Variants in PARD3B observed in about 807,000 individuals in gnomAD.
PARD3B encodes the protein par-3 family cell polarity regulator beta.
In PARD3B, 103 loss-of-function variants were observed where a neutral mutation model predicts 130.2. The ratio of observed to expected loss-of-function variants is 0.79; its 90% CI spans 0.67 to 0.93. PARD3B has a LOEUF of 0.93. PARD3B is among the 40% of genes least tolerant of loss of function. The pLI, the probability that PARD3B is intolerant of heterozygous loss-of-function variation, is 0.00. For synonymous variants in PARD3B, 583 were observed against 553.2 expected (o/e 1.05, Z -0.76); for missense variants, 1,609 against 1,499.2 (o/e 1.07, Z -1.21).
Position 205,176,336 on chromosome 2 carries a change from T to C in PARD3B, c.1792-109T>C. 8.9e-7 allele frequency: 1 copy of C among 1,120,316 alleles called. No individual in the cohort carries two copies. The highest frequency in any genetic ancestry group is 1.7e-5 in the South Asian group (1 of 57,392). The allele number at this position is 1,120,316 out of a possible 1,614,324, so 69.4% of individuals were successfully genotyped here. On this transcript the variant is annotated intron_variant, in intron 12 of 22. Transcript: ENST00000406610. The surrounding 1 kb of genome is among the most constrained non-coding windows in gnomAD (Gnocchi z 5.3). Reference sequence around the variant, plus strand: ...TCCACAGTTGAGGACTTAAGTGTAATAGACTCTTGAAAGACTATTCATACA... The same window carrying C: ...TCCACAGTTGAGGACTTAAGTGTAACAGACTCTTGAAAGACTATTCATACA...
In PARD3B at chr2:205,287,406, C is replaced by G. The variant is rs942143974; in HGVS notation, c.2186-13124C>G. Among the ~76,000 whole-genome samples the G allele has an allele frequency of 2.0e-5, 3 of 152,206 alleles. No individual in the cohort carries two copies. The highest frequency in any genetic ancestry group is 7.2e-5 in the African/African-American group (3 of 41,458). On this transcript the variant is annotated intron_variant, in intron 16 of 22. Transcript: ENST00000406610. This position sits in a 1 kb window ranked among gnomAD's most constrained non-coding sequence, Gnocchi z 4.8. ...GTACTCTCTCGTGCAGTTCTGGTTC[C>G]TCTCTTCAGACTTGATTCTTACAGA... is the stretch of plus-strand genomic sequence containing the variant.
At chr2:205,370,205 C>G (rs2044757952) in intron 18 of PARD3B, among the ~76,000 whole-genome samples, 1 of 152,226 alleles carries the variant, frequency 6.6e-6, no homozygotes, top group South Asian at 2.1e-4. Flanking sequence ...TCCAGAAGAA[C>G]AACTCCCAAA....
intron 3 of PARD3B, among the ~76,000 whole-genome samples, chr2:204,994,854 T>G (rs1251244320): frequency 6.6e-6 from 1 of 151,792 alleles, no homozygotes; most frequent in African/African-American, 2.4e-5. Flanking sequence ...TTGTCTCTTT[T>G]GATCTTTGTT....
At chr2:205,365,382 G>A (rs369090387) in intron 18 of PARD3B, among the ~76,000 whole-genome samples, 2,457 of 144,092 alleles carry the variant, frequency 0.017, 42 homozygotes, top group Non-Finnish European at 0.026. Flanking sequence ...CTCCGTCTCA[G>A]AAAAAAAAAA....
At chr2:205,526,706 T>A (rs1269758913) in intron 21 of PARD3B, among the ~76,000 whole-genome samples, 1 of 152,138 alleles carries the variant, frequency 6.6e-6, no homozygotes, top group African/African-American at 2.4e-5. Context: ...TGAAAAAAAA[T>A]TAAATGTACA....
chr2:204,704,104 G>T (rs188229615), intron 2 of PARD3B, among the ~76,000 whole-genome samples: 6 of 152,136 alleles, frequency 3.9e-5, no homozygotes, highest in African/African-American at 1.4e-4. Context: ...CACCTAAAAT[G>T]TACCATCTTC....
intron 11 of PARD3B, among the ~76,000 whole-genome samples, chr2:205,162,844 G>T (rs1056228738): frequency 6.6e-6 from 1 of 152,108 alleles, no homozygotes; most frequent in Non-Finnish European, 1.5e-5. Flanking sequence ...TAAATGATCC[G>T]TCTGAAGATG....
intron 19 of PARD3B, among the ~76,000 whole-genome samples, chr2:205,436,137 G>A (rs1373637689): frequency 8.5e-5 from 13 of 152,190 alleles, no homozygotes; most frequent in Non-Finnish European, 1.2e-4. Context: ...CTAGTGCTCT[G>A]TAGCCCATTT....
intron 21 of PARD3B, among the ~76,000 whole-genome samples, chr2:205,539,336 A>C (rs1218086812): frequency 1.3e-5 from 2 of 152,204 alleles, no homozygotes. Context: ...AAAACCCTGT[A>C]TGAATATAGT....
At chr2:204,881,949 C>G (rs184881685) in intron 2 of PARD3B, among the ~76,000 whole-genome samples, 31 of 152,268 alleles carry the variant, frequency 2.0e-4, no homozygotes, top group Admixed American at 1.4e-3. Context: ...GTGGCTTTCA[C>G]TTTTAGAGGG....
At position 204,775,272 on chromosome 2, in the gene PARD3B, C is replaced by G. The variant is rs1033471665; in HGVS notation, c.222+88990C>G. On this transcript the variant is annotated intron_variant, in intron 2 of 22. Coordinates refer to ENST00000406610, the MANE Select transcript of PARD3B (RefSeq NM_001302769.2). The stretch of plus-strand genomic sequence containing the variant: ...GTTTTAGTTATCAGAAATTTAATCA[C>G]TAATCTTGGACAGTTTTATAAAATT... 2.6e-5 allele frequency among the ~76,000 whole-genome samples: 4 copies of G among 152,120 alleles called. No homozygotes were observed. The East Asian group carries it at 7.7e-4, about 29-fold the overall frequency.
chr2:205,164,420 A>T (rs1006917907), intron 11 of PARD3B, among the ~76,000 whole-genome samples: 1 of 152,168 alleles, frequency 6.6e-6, no homozygotes, highest in Admixed American at 6.5e-5. Context: ...GTGCCTGTGA[A>T]TAGTCACTGT....
chr2:205,319,837 A>G (rs1574688401), intron 18 of PARD3B, among the ~76,000 whole-genome samples: 1 of 152,136 alleles, frequency 6.6e-6, no homozygotes, highest in African/African-American at 2.4e-5. Context: ...ATGACAATTA[A>G]TGTTTTTTCT....
intron 4 of PARD3B, among the ~76,000 whole-genome samples, chr2:205,054,432 A>ATTTTTTTTTTTT (rs1276333044): frequency 3.2e-5 from 1 of 30,976 alleles, no homozygotes; most frequent in African/African-American, 1.5e-4. Flanking sequence ...ATATATATAT[A>ATTTTTTTTTTTT]TATATTTTTT....
In PARD3B at chr2:204,967,474, GC is replaced by G. The variant is rs1190214775; in HGVS notation, c.394+2152del. On this transcript the variant is annotated intron_variant, in intron 3 of 22. Coordinates refer to ENST00000406610, the MANE Select transcript of PARD3B (RefSeq NM_001302769.2). This position sits in a 1 kb window ranked among gnomAD's most constrained non-coding sequence, Gnocchi z 4.4. ...TCTGATTATGTAATATAACTCCCCT[GC>G]TTAACGACCTTCACTGGCTTCCCAT... Among the ~76,000 whole-genome samples, 1 of 152,078 alleles carries G rather than the reference GC, an allele frequency of 6.6e-6. No homozygotes were observed. The highest frequency in any genetic ancestry group is 1.5e-5 in the Non-Finnish European group (1 of 68,012).
chr2:205,248,817 C>G lies in PARD3B; in HGVS notation c.2185+2995C>G, dbSNP rs370470049. ...AGAGACAAGGTTTCACCATGTTAGC[C>G]AGGATGGTTTCGATCTCCTGACCTT... On this transcript the variant is annotated intron_variant, in intron 16 of 22. Coordinates refer to ENST00000406610, the MANE Select transcript of PARD3B (RefSeq NM_001302769.2). Among the ~76,000 whole-genome samples, 25 of 151,590 alleles carry G rather than the reference C, an allele frequency of 1.6e-4. No homozygotes were observed. The South Asian group carries it at 4.8e-3, about 29-fold the overall frequency.
In PARD3B at chr2:204,610,308, A is replaced by G. The variant is rs1363538275; in HGVS notation, c.120+64189A>G. Among the ~76,000 whole-genome samples the G allele has an allele frequency of 6.6e-6, 1 of 152,194 alleles. No homozygotes were observed. The highest frequency in any genetic ancestry group is 6.5e-5 in the Admixed American group (1 of 15,276). ...TCTGTTCTTCTTAATGTAATATGGC[A>G]AATATTTACAATGATTTGTTAAGTA... On this transcript the variant is annotated intron_variant, in intron 1 of 22. Transcript: ENST00000406610. This position sits in a 1 kb window ranked among gnomAD's most constrained non-coding sequence, Gnocchi z 4.1.
intron 18 of PARD3B, among the ~76,000 whole-genome samples, chr2:205,378,419 A>G (rs2045157726): frequency 6.6e-6 from 1 of 152,128 alleles, no homozygotes; most frequent in Non-Finnish European, 1.5e-5. Context: ...AAGGGAAAAA[A>G]GAAGAAAGTT....
chr2:205,592,672 A>T lies in PARD3B; in HGVS notation c.3261-22784A>T, dbSNP rs1390523277. Among the ~76,000 whole-genome samples the T allele has an allele frequency of 6.6e-6, 1 of 152,260 alleles. No individual in the cohort carries two copies. The highest frequency in any genetic ancestry group is 2.4e-5 in the African/African-American group (1 of 41,480). On this transcript the variant is annotated intron_variant, in intron 22 of 22. Transcript: ENST00000406610. The surrounding 1 kb of genome is among the most constrained non-coding windows in gnomAD (Gnocchi z 4.5). The stretch of plus-strand genomic sequence containing the variant: ...CTTATATATCTTACCATATAAATCT[A>T]AATCAATCATAACGTATATTTCTGA...
Sources: allele counts gnomAD v4.1 joint callset (sites outside exome capture counted in the v4.1 genomes callset), GRCh38; gene constraint gnomAD v4.1.1; non-coding constraint Gnocchi (gnomAD v3.1); transcripts MANE v1.5; gene names NCBI Gene and HGNC (gene_info 2026-07-23, HGNC 2026-07-21).